SS18L1: variants seen among roughly 807,000 people sequenced by gnomAD.
The protein encoded by SS18L1 is SS18L1 subunit of BAF chromatin remodeling complex.
SS18L1 carries 32 observed loss-of-function variants against 70.3 expected under a neutral mutation model. The observed-to-expected ratio is 0.46, with a 90% CI of 0.34 to 0.61. The LOEUF is 0.61. Among genes scored for constraint, SS18L1 ranks in the 20% least tolerant of loss-of-function variants. The probability of loss-of-function intolerance (pLI) is 0.01; values close to 1 mark genes in which losing one functional copy is unlikely to be tolerated. For synonymous variants in SS18L1, 237 were observed against 229.7 expected (o/e 1.03, Z -0.29); for missense variants, 430 against 542.1 (o/e 0.79, Z 2.05).
intron 1 of SS18L1, among the ~76,000 whole-genome samples, chr20:62,146,147 T>C (rs1479485602): frequency 1.3e-5 from 2 of 152,148 alleles, no homozygotes; most frequent in Non-Finnish European, 2.9e-5. Flanking sequence ...CAGCATTCTG[T>C]GTGGGTGGAG....
intron 8 of SS18L1, among the ~76,000 whole-genome samples, chr20:62,166,177 TAA>T (rs2057426645): frequency 6.6e-6 from 1 of 152,182 alleles, no homozygotes; most frequent in African/African-American, 2.4e-5. Flanking sequence ...CACCCCGGGA[TAA>T]AGATGGCCCC....
Position 62,179,280 on chromosome 20 carries a change from C to G in SS18L1, c.*72C>G. 5 of 1,564,214 alleles carry G rather than the reference C, an allele frequency of 3.2e-6. No homozygotes were observed. Among genetic ancestry groups the G allele is most frequent in the Non-Finnish European group, 4.4e-6 (5 of 1,135,408 alleles). ...GGGGCCGGATGGGCTGGCGGCAGCT[C>G]TGGTGAATTGTGACATGTTGGTTAC... On this transcript the variant is annotated 3_prime_UTR_variant, in exon 11 of 11. Transcript: ENST00000331758.
intron 1 of SS18L1, among the ~76,000 whole-genome samples, chr20:62,149,397 C>T (rs1021629679): frequency 1.3e-5 from 2 of 152,232 alleles, no homozygotes; most frequent in Non-Finnish European, 2.9e-5. Flanking sequence ...TGACACTGGT[C>T]TGATTCTAAT....
At chr20:62,178,772 T>G (rs1416742106) in intron 10 of SS18L1, among the ~76,000 whole-genome samples, 1 of 152,120 alleles carries the variant, frequency 6.6e-6, no homozygotes, top group Non-Finnish European at 1.5e-5. Context: ...GTCTTTAGAT[T>G]TTTTTTTATA....
chr20:62,159,184 C>T lies in SS18L1; in HGVS notation c.146+436C>T, dbSNP rs1472617499. On this transcript the variant is annotated intron_variant, in intron 2 of 10. Coordinates refer to ENST00000331758, the MANE Select transcript of SS18L1 (RefSeq NM_198935.3). This position sits in a 1 kb window ranked among gnomAD's most constrained non-coding sequence, Gnocchi z 4.4. ...CAGCCTCTCTGGGCAGCTCTGTGGC[C>T]AACAGCCAGCGCACCAGGAGACAGC... 2.0e-5 allele frequency among the ~76,000 whole-genome samples: 3 copies of T among 152,202 alleles called. No homozygotes were observed. The highest frequency in any genetic ancestry group is 4.4e-5 in the Non-Finnish European group (3 of 68,032).
chr20:62,151,882 C>T (rs377214910), intron 1 of SS18L1, among the ~76,000 whole-genome samples: 2 of 147,022 alleles, frequency 1.4e-5, no homozygotes, highest in Non-Finnish European at 3.0e-5. Context: ...TGGCCTTCCC[C>T]GTTCCCCTCT....
intron 1 of SS18L1, among the ~76,000 whole-genome samples, chr20:62,146,401 C>T (rs1219856028): frequency 6.6e-6 from 1 of 152,244 alleles, no homozygotes; most frequent in East Asian, 1.9e-4. Context: ...TAAGCAGATG[C>T]GTTCGTGTCC....
At chr20:62,164,474 C>T (rs960323679) in intron 7 of SS18L1, among the ~76,000 whole-genome samples, 2 of 152,224 alleles carry the variant, frequency 1.3e-5, no homozygotes, top group African/African-American at 4.8e-5. Flanking sequence ...AGCTGTGGCA[C>T]ACACCGCTGC....
Position 62,158,691 on chromosome 20 carries a change from A to G in SS18L1, c.89A>G (p.His30Arg). 3 of 1,612,740 alleles carry G rather than the reference A, an allele frequency of 1.9e-6. No homozygotes were observed. The highest frequency in any genetic ancestry group is 2.5e-6 in the Non-Finnish European group (3 of 1,180,020). ...TIQKMLDENH[H>R]LIQCILEYQS... ...CCGCAGATGCTGGACGAGAACCACCACCTGATCCAGTGCATCCTGGAGTAC... is the reference window on the plus strand; with the variant it reads ...CCGCAGATGCTGGACGAGAACCACCGCCTGATCCAGTGCATCCTGGAGTAC... Residue 30 changes from histidine to arginine, a missense_variant, in exon 2 of 11, where the codon CAC becomes CGC. His to Arg is a conservative substitution (Grantham distance 29). Transcript: ENST00000331758. This position sits in a 1 kb window ranked among gnomAD's most constrained non-coding sequence, Gnocchi z 4.5.
chr20:62,150,725 C>T (rs986723838), intron 1 of SS18L1, among the ~76,000 whole-genome samples: 20 of 133,412 alleles, frequency 1.5e-4, no homozygotes, highest in Non-Finnish European at 2.9e-4. Context: ...GTGATCACAG[C>T]TCGTGCAGCC....
chr20:62,168,290 T>G (rs1424550349), intron 8 of SS18L1, among the ~76,000 whole-genome samples: 1 of 152,130 alleles, frequency 6.6e-6, no homozygotes, highest in South Asian at 2.1e-4. Context: ...GACTCTGACA[T>G]GAGGAGTGCA....
chr20:62,146,545 G>A (rs2057029204), intron 1 of SS18L1, among the ~76,000 whole-genome samples: 1 of 151,122 alleles, frequency 6.6e-6, no homozygotes, highest in Admixed American at 6.6e-5. Context: ...TCTGATGACT[G>A]CGGGCAGCCC....
chr20:62,178,475 T>G (rs1005318637), intron 10 of SS18L1, among the ~76,000 whole-genome samples: 8 of 152,114 alleles, frequency 5.3e-5, no homozygotes, highest in African/African-American at 1.9e-4. Flanking sequence ...TTCTCTTTTT[T>G]TGTAGAGATG....
Position 62,162,936 on chromosome 20 carries a change from C to G in SS18L1, c.556+5C>G, listed in dbSNP as rs774273647. ...TCAACATGCAGTCCAACCCAGGTAC[C>G]TACTCTGCCTCTGCAACCCCGGGGG... On this transcript the variant is annotated splice_donor_5th_base_variant and intron_variant, in intron 5 of 10. Transcript: ENST00000331758. The G allele has an allele frequency of 6.2e-7, 1 of 1,610,378 alleles. No homozygotes were observed. The highest frequency in any genetic ancestry group is 2.2e-5 in the East Asian group (1 of 44,820).
chr20:62,181,836 TTTG>T lies in SS18L1; in HGVS notation c.*2631_*2633del, dbSNP rs1387501930. ...GTTTGTGAAGTGTGGTTGATGGTGC[TTTG>T]TTTTTTTCTGACTACTTCTATGGAA... On this transcript the variant is annotated 3_prime_UTR_variant, in exon 11 of 11. Transcript: ENST00000331758. 2 of 227,528 alleles carry T rather than the reference TTTG, an allele frequency of 8.8e-6. No homozygotes were observed. Among genetic ancestry groups the T allele is most frequent in the African/African-American group, 4.4e-5 (2 of 45,034 alleles). 14.1% of individuals were successfully genotyped at this position (227,528 alleles called of 1,614,324 possible).
chr20:62,158,871 C>T lies in SS18L1; in HGVS notation c.146+123C>T, dbSNP rs772033619. On this transcript the variant is annotated intron_variant, in intron 2 of 10. Transcript: ENST00000331758. This position sits in a 1 kb window ranked among gnomAD's most constrained non-coding sequence, Gnocchi z 4.5. ...AGATAAGTCCCAGGAGTCCCCAGCA[C>T]GGAGGCCAGATATGTCCCAGGAGTC... 19 of 1,607,128 alleles carry T rather than the reference C, an allele frequency of 1.2e-5. No individual in the cohort carries two copies. The highest frequency in any genetic ancestry group is 1.7e-4 in the Middle Eastern group (1 of 6,038).
At position 62,174,633 on chromosome 20, in the gene SS18L1, G is replaced by A. The variant is rs761829812; in HGVS notation, c.1153G>A (p.Gly385Ser). The change falls in exon 10 of 11, where the codon GGC becomes AGC. Residue 385 changes from glycine to serine, a missense_variant. Transcript: ENST00000331758. The surrounding 1 kb of genome is among the most constrained non-coding windows in gnomAD (Gnocchi z 4.1). The stretch of plus-strand genomic sequence containing the variant: ...GTCTGCCCAGCAGCAGCGGCCCTAC[G>A]GCTATGAACAGGCAAGCTTTCTGGA... ...APSAQQQRPY[G>S]YEQGQYGNYQ... 5 of 1,613,512 alleles carry A rather than the reference G, an allele frequency of 3.1e-6. No individual in the cohort carries two copies. Among genetic ancestry groups the A allele is most frequent in the Middle Eastern group, 1.6e-4 (1 of 6,084 alleles).
rs1300055062 is a variant in SS18L1, at chr20:62,159,796, C to T, written c.147-81C>T. The T allele has an allele frequency of 1.6e-5, 22 of 1,378,266 alleles. No individual in the cohort carries two copies. Among genetic ancestry groups the T allele is most frequent in the Non-Finnish European group, 1.0e-6 (1 of 1,000,156 alleles). The allele number at this position is 1,378,266 out of a possible 1,614,324, so 85.4% of individuals were successfully genotyped here. On this transcript the variant is annotated intron_variant, in intron 2 of 10. Transcript: ENST00000331758. This position sits in a 1 kb window ranked among gnomAD's most constrained non-coding sequence, Gnocchi z 4.4. ...TGGCTGGATGTCAGGCTGTCTTGTT[C>T]ACACTTTACTTCTGCCTTGGATCCA...
Position 62,163,063 on chromosome 20 carries a change from C to T in SS18L1, c.556+132C>T, listed in dbSNP as rs957920472. ...TGCTGGAGGGGAGGGGCCCGTGAAT[C>T]GGGGCTGGCCGCTGCCTCTGAGAGC... On this transcript the variant is annotated intron_variant, in intron 5 of 10. Coordinates refer to ENST00000331758, the MANE Select transcript of SS18L1 (RefSeq NM_198935.3). The T allele has an allele frequency of 1.9e-4, 229 of 1,227,256 alleles. 1 individual carries two copies. The highest frequency in any genetic ancestry group is 2.5e-4 in the Non-Finnish European group (217 of 882,830). 76.0% of individuals were successfully genotyped at this position (1,227,256 alleles called of 1,614,324 possible).
Sources: gnomAD v4.1 joint callset for allele counts (sites outside exome capture counted in the v4.1 genomes callset) on GRCh38, gnomAD v4.1.1 for gene constraint, Gnocchi (gnomAD v3.1) non-coding constraint, MANE v1.5 for transcripts, NCBI Gene and HGNC (gene_info 2026-07-23, HGNC 2026-07-21) for gene names.